RPN2: variants seen among roughly 807,000 people sequenced by gnomAD.
RPN2 encodes the protein dolichyl-diphosphooligosaccharide--protein glycosyltransferase subunit 2.
A neutral mutation model predicts 71.4 loss-of-function variants in RPN2; 29 were observed. The ratio of observed to expected loss-of-function variants is 0.41; its 90% CI spans 0.30 to 0.55. The LOEUF is 0.55. RPN2 is among the 20% of genes least tolerant of loss of function. RPN2 has a pLI of 0.35. For missense variants in RPN2, 726 were observed against 774.1 expected (o/e 0.94, Z 0.74); for synonymous variants, 308 against 305.0 (o/e 1.01, Z -0.10).
chr20:37,239,091 GAGA>G (rs1233311371), intron 16 of RPN2, among the ~76,000 whole-genome samples: 1 of 152,212 alleles, frequency 6.6e-6, no homozygotes, highest in African/African-American at 2.4e-5. Context: ...TGGAGGGAAG[GAGA>G]AGGAGAGTCT....
At chr20:37,218,561 A>G (rs1458084509) in intron 9 of RPN2, among the ~76,000 whole-genome samples, 4 of 152,120 alleles carry the variant, frequency 2.6e-5, no homozygotes, top group African/African-American at 7.2e-5. Context: ...AAAAAACAAA[A>G]AAAACAAAAC....
chr20:37,239,620 G>A (rs746807853), intron 16 of RPN2, among the ~76,000 whole-genome samples: 2 of 152,044 alleles, frequency 1.3e-5, no homozygotes, highest in Non-Finnish European at 2.9e-5. Flanking sequence ...CAGGTTTAAT[G>A]GAGTTGTAAT....
At position 37,184,364 on chromosome 20, in the gene RPN2, A is replaced by G; in HGVS notation, c.198A>G (p.Pro66=). 1.2e-6 allele frequency: 2 copies of G among 1,614,148 alleles called. No individual in the cohort carries two copies. Among genetic ancestry groups the G allele is most frequent in the Non-Finnish European group, 1.7e-6 (2 of 1,179,972 alleles). The change falls in exon 2 of 17, where the codon CCA becomes CCG. Residue 66 remains proline, a synonymous_variant. Coordinates refer to ENST00000237530, the MANE Select transcript of RPN2 (RefSeq NM_002951.5). ...TCAGCAGCCTTGGTGCTCAGGTGCC[A>G]GATGCAAAGGTAAGGCTGCTTTTGT... is the stretch of plus-strand genomic sequence containing the variant. ...VGLSSLGAQV[P]DAKKACTYIR...
chr20:37,184,261 A>T lies in RPN2; in HGVS notation c.95A>T (p.His32Leu). The change falls in exon 2 of 17, where the codon CAT becomes CTT. Residue 32 changes from histidine to leucine, a missense_variant. Physicochemically the swap from His to Leu is moderately conservative, Grantham distance 99 (BLOSUM62 -3). Transcript: ENST00000237530. ...ACGCCCACTCACTACCTCACCAAGCATGACGTGGAGAGACTAAAAGCCTCG... is the reference window on the plus strand; with the variant it reads ...ACGCCCACTCACTACCTCACCAAGCTTGACGTGGAGAGACTAAAAGCCTCG... ...ALTPTHYLTK[H>L]DVERLKASLD... 3 of 1,614,150 alleles carry T rather than the reference A, an allele frequency of 1.9e-6. No homozygotes were observed. Among genetic ancestry groups the T allele is most frequent in the Non-Finnish European group, 2.5e-6 (3 of 1,180,022 alleles).
intron 8 of RPN2, among the ~76,000 whole-genome samples, chr20:37,210,418 AT>A (rs560889733): frequency 9.0e-4 from 137 of 152,072 alleles, no homozygotes; most frequent in African/African-American, 2.8e-3. Flanking sequence ...ATATTTATTG[AT>A]TTTTTTCTGA....
chr20:37,199,997 A>AT (rs756887601), intron 4 of RPN2, among the ~76,000 whole-genome samples: 392 of 142,994 alleles, frequency 2.7e-3, no homozygotes, highest in East Asian at 8.3e-3. Context: ...CGCCTAGCTA[A>AT]TTTTTTTTTT....
chr20:37,199,997 A>ATT (rs756887601), intron 4 of RPN2, among the ~76,000 whole-genome samples: 2 of 143,054 alleles, frequency 1.4e-5, no homozygotes, highest in Non-Finnish European at 1.5e-5. Context: ...CGCCTAGCTA[A>ATT]TTTTTTTTTT....
In RPN2 at chr20:37,207,181, G is replaced by A. The variant is rs573695501; in HGVS notation, c.691-92G>A. The A allele has an allele frequency of 3.2e-4, 332 of 1,040,532 alleles. 1 individual carries two copies. The highest frequency in any genetic ancestry group is 2.8e-3 in the African/African-American group (177 of 64,210). 64.5% of individuals were successfully genotyped at this position (1,040,532 alleles called of 1,614,324 possible). A position where few individuals can be genotyped will look rare whatever the true frequency, so the allele number is the denominator to read the frequency against. ...CAAAAGACCTCCCATGTGAACACCC[G>A]AAACAGATAAGGGTGACTTTCCTCT... On this transcript the variant is annotated intron_variant, in intron 6 of 16. Coordinates refer to ENST00000237530, the MANE Select transcript of RPN2 (RefSeq NM_002951.5).
At chr20:37,203,839 G>A in intron 4 of RPN2, 46 bp from the exon 5 acceptor site, 3 of 1,368,608 alleles carry the variant, frequency 2.2e-6, no homozygotes, top group Non-Finnish European at 3.1e-6. Flanking sequence ...GTGAGTGGAT[G>A]AAACAAGACT....
At chr20:37,234,384 G>A (rs145855832) in intron 15 of RPN2, among the ~76,000 whole-genome samples, 19 of 152,270 alleles carry the variant, frequency 1.2e-4, no homozygotes, top group Non-Finnish European at 2.4e-4. Context: ...CTCACTTATC[G>A]TATCTTTACA....
chr20:37,231,812 G>A (rs1191279901), intron 13 of RPN2, among the ~76,000 whole-genome samples: 1 of 152,066 alleles, frequency 6.6e-6, no homozygotes, highest in East Asian at 1.9e-4. Context: ...GGAAAGATCT[G>A]TAGGGAGGCT....
intron 11 of RPN2, among the ~76,000 whole-genome samples, chr20:37,227,839 A>G (rs150748570): frequency 3.9e-5 from 6 of 152,354 alleles, no homozygotes; most frequent in African/African-American, 1.2e-4. Flanking sequence ...TCGTATTGCT[A>G]TTAACTACTA....
chr20:37,182,515 C>T (rs1197620554), intron 1 of RPN2, among the ~76,000 whole-genome samples: 3 of 152,124 alleles, frequency 2.0e-5, no homozygotes, highest in South Asian at 2.1e-4. Flanking sequence ...CTCCGCCTCC[C>T]GAGTAGCTGG....
At chr20:37,230,089 G>T (rs755242148) in intron 13 of RPN2, 30 bp downstream of exon 13, 5 of 1,545,728 alleles carry the variant, frequency 3.2e-6, no homozygotes, top group Non-Finnish European at 3.6e-6. Flanking sequence ...TCCACTAAAC[G>T]TGGGAGAAGA....
intron 9 of RPN2, among the ~76,000 whole-genome samples, chr20:37,219,117 A>G (rs1277560279): frequency 6.6e-6 from 1 of 152,188 alleles, no homozygotes; most frequent in Non-Finnish European, 1.5e-5. Context: ...AAGCAGCTGC[A>G]CCATTTTACA....
At chr20:37,228,766 G>A (rs375864282) in intron 12 of RPN2, 22 bp downstream of exon 12, 28 of 1,611,750 alleles carry the variant, frequency 1.7e-5, no homozygotes, top group Non-Finnish European at 1.8e-5. Flanking sequence ...AATGTACCCC[G>A]ACCCAGGTGA....
intron 9 of RPN2, among the ~76,000 whole-genome samples, chr20:37,221,362 A>G (rs1165595936): frequency 3.3e-5 from 5 of 151,714 alleles, no homozygotes; most frequent in African/African-American, 1.2e-4. Context: ...TGTCTGGCTA[A>G]TTTTTTTGTA....
At chr20:37,217,984 C>T (rs927034928) in intron 9 of RPN2, among the ~76,000 whole-genome samples, 2 of 150,830 alleles carry the variant, frequency 1.3e-5, no homozygotes, top group African/African-American at 4.9e-5. Context: ...TGATCTGCCT[C>T]GCCTCGGCCT....
chr20:37,199,389 G>C (rs2067329851), intron 4 of RPN2, among the ~76,000 whole-genome samples, 164 bp downstream of exon 4: 1 of 152,234 alleles, frequency 6.6e-6, no homozygotes, highest in Admixed American at 6.5e-5. Flanking sequence ...TTGCATGAAG[G>C]CAAGTAAGGT....
Sources: allele counts gnomAD v4.1 joint callset (sites outside exome capture counted in the v4.1 genomes callset), GRCh38; gene constraint gnomAD v4.1.1; transcripts MANE v1.5; gene names NCBI Gene and HGNC (gene_info 2026-07-23, HGNC 2026-07-21).